The following DMD variants were observed in gnomAD, a reference collection of about 807,000 sequenced individuals.
The protein encoded by DMD is mutant dystrophin.
A neutral mutation model predicts 330.1 loss-of-function variants in DMD; 63 were observed. That is an observed-to-expected ratio of 0.19 (90% CI 0.16 to 0.24). The LOEUF (loss-of-function observed/expected upper bound fraction) is 0.24, where lower values mean the gene tolerates loss of function less well. Ranked by LOEUF, DMD falls within the 10% of genes least tolerant of loss-of-function variation. DMD has a pLI of 1.00. For synonymous variants in DMD, 1,223 were observed against 959.8 expected, an observed-to-expected ratio of 1.27 and a Z score of -5.07; for missense variants, 3,344 against 2,684.1, an observed-to-expected ratio of 1.25 and a Z score of -5.43.
chrX:31,722,292 TG>T (rs1321549739), intron 52 of DMD, among the ~76,000 whole-genome samples: 4 of 109,576 alleles, frequency 3.7e-5, no homozygotes, highest in Non-Finnish European at 7.6e-5. Flanking sequence ...CTAATTTTTT[TG>T]TATTTTTAGT....
Position 31,412,174 on chromosome X carries a change from A to C in DMD, c.9084+32307T>G, listed in dbSNP as rs1167881196. ...ACATTCCAGCCTGGGTGACAGAGCG[A>C]GACTCTTGTCTCAAAAAAAAAAAAA... On this transcript the variant is annotated intron_variant, in intron 60 of 78. Coordinates refer to ENST00000357033, the MANE Select transcript of DMD (RefSeq NM_004006.3). Among the ~76,000 whole-genome samples the C allele has an allele frequency of 1.3e-4, 11 of 82,190 alleles. No individual in the cohort carries two copies. In the South Asian group the frequency reaches 8.4e-3, roughly 63 times the overall value. The allele number at this position is 82,190 out of a possible 115,157, so 71.4% of individuals were successfully genotyped here. A position where few individuals can be genotyped will look rare whatever the true frequency, so the allele number is the denominator to read the frequency against.
chrX:32,819,180 C>A (rs959400736), intron 5 of DMD, among the ~76,000 whole-genome samples: 2 of 110,514 alleles, frequency 1.8e-5, no homozygotes, highest in Non-Finnish European at 3.8e-5. Flanking sequence ...TTCTGTGAAG[C>A]TCTGCAGAAG....
At chrX:33,216,809 A>G (rs777051188) in intron 1 of DMD, among the ~76,000 whole-genome samples, 1 of 111,605 alleles carries the variant, frequency 9.0e-6, no homozygotes, top group African/African-American at 3.3e-5. Flanking sequence ...AATATTAACC[A>G]GTCATCCTTG....
intron 1 of DMD, among the ~76,000 whole-genome samples, chrX:33,189,641 G>A (rs770764590): frequency 1.8e-5 from 2 of 110,624 alleles, no homozygotes; most frequent in African/African-American, 6.6e-5. Flanking sequence ...TTGGGGGCCC[G>A]CACATAGGAG....
intron 1 of DMD, among the ~76,000 whole-genome samples, chrX:33,187,607 A>G (rs1181471854): frequency 8.9e-6 from 1 of 112,026 alleles, no homozygotes. Context: ...GTAGTTTAGC[A>G]TAGTTGCAAT....
chrX:31,401,307 TAG>T (rs2061180844), intron 60 of DMD, among the ~76,000 whole-genome samples: 1 of 111,906 alleles, frequency 8.9e-6, no homozygotes, highest in Non-Finnish European at 1.9e-5. Flanking sequence ...TCAATGATTT[TAG>T]AGTTGCTTGA....
chrX:32,955,654 G>A (rs140416705), intron 2 of DMD, among the ~76,000 whole-genome samples: 12 of 111,431 alleles, frequency 1.1e-4, no homozygotes, highest in South Asian at 3.7e-4. Flanking sequence ...TGTCTTCCAG[G>A]GTTTTTATAG....
intron 18 of DMD, chrX:32,516,880 T>A (rs1483197035): frequency 1.8e-5 from 2 of 112,114 alleles, no homozygotes; most frequent in African/African-American, 6.5e-5. Flanking sequence ...TAGTCTATTA[T>A]AATGCTGACA....
At chrX:32,985,282 G>A (rs1277109014) in intron 2 of DMD, among the ~76,000 whole-genome samples, 1 of 111,650 alleles carries the variant, frequency 9.0e-6, no homozygotes, top group Non-Finnish European at 1.9e-5. Flanking sequence ...TACATAAAAT[G>A]AATCACATAT....
At chrX:31,320,335 T>C (rs1382109411) in intron 62 of DMD, among the ~76,000 whole-genome samples, 2 of 112,101 alleles carry the variant, frequency 1.8e-5, no homozygotes, top group African/African-American at 6.5e-5. Flanking sequence ...GTGCCACTGG[T>C]ATAGAAACCT....
intron 61 of DMD, among the ~76,000 whole-genome samples, chrX:31,341,299 C>T (rs2057712787): frequency 8.9e-6 from 1 of 111,764 alleles, no homozygotes; most frequent in Non-Finnish European, 1.9e-5. Flanking sequence ...TCCCATTGGT[C>T]GTATGGTGCA....
intron 1 of DMD, among the ~76,000 whole-genome samples, chrX:33,119,289 A>G (rs1414554509): frequency 2.7e-5 from 3 of 112,603 alleles, no homozygotes; most frequent in Non-Finnish European, 1.9e-5. Flanking sequence ...AAGGAAGTAA[A>G]GAATTGTAAG....
At chrX:31,904,935 A>G (rs900274719) in intron 47 of DMD, among the ~76,000 whole-genome samples, 1 of 112,205 alleles carries the variant, frequency 8.9e-6, no homozygotes, top group Non-Finnish European at 1.9e-5. Context: ...AGAAACAAAT[A>G]TAGTAACATA....
intron 45 of DMD, among the ~76,000 whole-genome samples, chrX:31,940,883 G>A (rs1316275681): frequency 9.0e-6 from 1 of 111,336 alleles, no homozygotes; most frequent in Non-Finnish European, 1.9e-5. Context: ...GTGAGGAAAG[G>A]AGATTACTAG....
chrX:32,827,819 G>A (rs1289008529), intron 4 of DMD, among the ~76,000 whole-genome samples: 1 of 110,146 alleles, frequency 9.1e-6, no homozygotes, highest in Non-Finnish European at 1.9e-5. Context: ...GCGCCACCAC[G>A]CCTGGCTAAT....
At chrX:32,793,299 G>A (rs1462929018) in intron 7 of DMD, among the ~76,000 whole-genome samples, 1 of 110,346 alleles carries the variant, frequency 9.1e-6, no homozygotes, top group Non-Finnish European at 1.9e-5. Flanking sequence ...AGTGCTAAGG[G>A]GGATGTATAT....
intron 43 of DMD, among the ~76,000 whole-genome samples, chrX:32,223,350 C>G (rs1398861591): frequency 9.0e-6 from 1 of 111,704 alleles, no homozygotes; most frequent in African/African-American, 3.3e-5. Context: ...AAGGAGCCCT[C>G]ATGGCCTAAT....
rs72466593 is a variant in DMD, at chrX:31,929,455, C to T, written c.6912+141G>A. 1,173 of 702,766 alleles carry T rather than the reference C, an allele frequency of 1.7e-3. 2 individuals are homozygous for T. Among genetic ancestry groups the T allele is most frequent in the Non-Finnish European group, 2.3e-3 (1,050 of 456,817 alleles). 57.9% of individuals were successfully genotyped at this position (702,766 alleles called of 1,213,427 possible). ...CAACAAAACATATAGCCAAAGCAAA[C>T]GGTCAGGTTAAAAAAACAAAACAAA... On this transcript the variant is annotated intron_variant, in intron 47 of 78. Coordinates refer to ENST00000357033, the MANE Select transcript of DMD (RefSeq NM_004006.3).
intron 62 of DMD, among the ~76,000 whole-genome samples, chrX:31,309,007 G>C (rs2055267528): frequency 8.9e-6 from 1 of 111,774 alleles, no homozygotes; most frequent in Non-Finnish European, 1.9e-5. Flanking sequence ...AGGATTACAG[G>C]TGTGAGCCAC....
Sources: gnomAD v4.1 joint callset for allele counts (sites outside exome capture counted in the v4.1 genomes callset) on GRCh38, gnomAD v4.1.1 for gene constraint, MANE v1.5 for transcripts, NCBI Gene and HGNC (gene_info 2026-07-23, HGNC 2026-07-21) for gene names.